ESRRG: variants seen among roughly 807,000 people sequenced by gnomAD.
The protein encoded by ESRRG is estrogen related receptor gamma.
Under a neutral mutation model 44.0 loss-of-function variants are expected in ESRRG, and 13 were observed. The ratio of observed to expected loss-of-function variants is 0.30; its 90% confidence interval spans 0.19 to 0.47. The LOEUF is 0.47. Ranked by LOEUF, ESRRG falls within the 20% of genes least tolerant of loss-of-function variation. ESRRG has a pLI of 1.00. For missense variants in ESRRG, 395 were observed against 580.6 expected, an observed-to-expected ratio of 0.68 and a Z score of 3.29; for synonymous variants, 215 against 214.6, an observed-to-expected ratio of 1.00 and a Z score of -0.02.
rs2040634084 is a variant in ESRRG at position 216,503,267 on chromosome 1, G to A, written c.*3672C>T. ...AAAGAGCAGTCAAAAGTGGAAGCTT[G>A]TTTAATATTGCTCTACCATCATCCT... On this transcript the variant is annotated 3_prime_UTR_variant, in exon 7 of 7. Transcript: ENST00000408911. The A allele has an allele frequency of 6.6e-6, 1 of 152,256 alleles. No homozygotes were observed. 9.4% of individuals were successfully genotyped at this position (152,256 alleles called of 1,614,324 possible).
Position 216,523,813 on chromosome 1 carries a change from TCA to T in ESRRG, c.863-4394_863-4393del, listed in dbSNP as rs2046829450. ...TTAATCATGGCATTGACTTGCCTGA[TCA>T]CAGTTTTTGAACTGTAGTTTTTCTG... On this transcript the variant is annotated intron_variant, in intron 5 of 6. Transcript: ENST00000408911. 1.3e-5 allele frequency among the ~76,000 whole-genome samples: 2 copies of T among 150,562 alleles called. 1 individual carries two copies. The highest frequency in any genetic ancestry group is 4.2e-4 in the South Asian group (2 of 4,772).
At chr1:216,796,963 C>G (rs151329483) in intron 2 of ESRRG, among the ~76,000 whole-genome samples, 6 of 152,244 alleles carry the variant, frequency 3.9e-5, no homozygotes, top group African/African-American at 1.4e-4. Context: ...GCGATCTCGG[C>G]TCACTACAAT....
intron 1 of ESRRG, among the ~76,000 whole-genome samples, chr1:217,050,594 A>G (rs548808057): frequency 2.6e-5 from 4 of 152,290 alleles, no homozygotes; most frequent in East Asian, 1.9e-4. Flanking sequence ...CCAATAGCCA[A>G]TACTCTCAGA....
chr1:216,523,498 TTTTG>T (rs200740167), intron 5 of ESRRG, among the ~76,000 whole-genome samples: 6 of 75,824 alleles, frequency 7.9e-5, no homozygotes, highest in South Asian at 1.5e-3. Context: ...CTGTTTTTTT[TTTTG>T]TTTTTTTTTT....
At chr1:216,619,936 C>T (rs1303786489) in intron 3 of ESRRG, among the ~76,000 whole-genome samples, 5 of 152,028 alleles carry the variant, frequency 3.3e-5, no homozygotes, top group Admixed American at 6.6e-5. Flanking sequence ...TAGGCAACAC[C>T]GAGTCAAGAA....
intron 3 of ESRRG, among the ~76,000 whole-genome samples, chr1:216,628,145 G>C (rs535285692): frequency 3.9e-4 from 59 of 152,254 alleles, no homozygotes; most frequent in Non-Finnish European, 7.1e-4. Flanking sequence ...TTAGAGTCTA[G>C]AGCCACAAAT....
At chr1:216,780,900 T>G (rs2093909681) in intron 2 of ESRRG, among the ~76,000 whole-genome samples, 1 of 152,018 alleles carries the variant, frequency 6.6e-6, no homozygotes, top group Non-Finnish European at 1.5e-5. Context: ...CACAACTAAG[T>G]ATTGTGACTC....
intron 5 of ESRRG, among the ~76,000 whole-genome samples, chr1:216,552,988 T>C (rs1244702458): frequency 6.6e-6 from 1 of 152,186 alleles, no homozygotes; most frequent in African/African-American, 2.4e-5. Flanking sequence ...TTAAGAAACA[T>C]TGTGTTGAAC....
chr1:216,737,156 C>A (rs188438916), intron 2 of ESRRG, among the ~76,000 whole-genome samples: 1 of 152,164 alleles, frequency 6.6e-6, no homozygotes, highest in East Asian at 1.9e-4. Context: ...AAATTCAGTT[C>A]TTTCTCTGGC....
intron 3 of ESRRG, among the ~76,000 whole-genome samples, chr1:216,649,401 C>T (rs2068398666): frequency 6.6e-6 from 1 of 151,836 alleles, no homozygotes; most frequent in Non-Finnish European, 1.5e-5. Flanking sequence ...TTTAGGTATC[C>T]TTCCTTCCTT....
intron 2 of ESRRG, among the ~76,000 whole-genome samples, chr1:216,753,722 A>G (rs972479595): frequency 4.6e-5 from 7 of 152,114 alleles, no homozygotes; most frequent in African/African-American, 1.4e-4. Flanking sequence ...AACTTAAAGC[A>G]TACCTAATTT....
At chr1:216,875,724 T>C (rs936475896) in intron 2 of ESRRG, among the ~76,000 whole-genome samples, 4 of 152,206 alleles carry the variant, frequency 2.6e-5, no homozygotes, top group African/African-American at 9.6e-5. Flanking sequence ...AATAATATTA[T>C]GAAGATATTT....
At chr1:217,030,949 T>A (rs1431367860) in intron 1 of ESRRG, among the ~76,000 whole-genome samples, 1 of 152,238 alleles carries the variant, frequency 6.6e-6, no homozygotes, top group African/African-American at 2.4e-5. Context: ...TAAAGTTACC[T>A]GTTTATTTTT....
At chr1:216,756,549 T>A (rs1307253168) in intron 2 of ESRRG, among the ~76,000 whole-genome samples, 3 of 152,024 alleles carry the variant, frequency 2.0e-5, no homozygotes, top group Non-Finnish European at 4.4e-5. Context: ...GTTCTCACAA[T>A]GGGTCTCAAT....
intron 2 of ESRRG, among the ~76,000 whole-genome samples, chr1:216,829,502 C>T (rs180726203): frequency 1.9e-4 from 29 of 151,334 alleles, no homozygotes; most frequent in African/African-American, 6.5e-4. Context: ...ATAGTAAGGG[C>T]AAAAGCTAGG....
At position 216,981,700 on chromosome 1, in the gene ESRRG, A is replaced by AAC. The variant is rs10535630; in HGVS notation, c.-105-42029_-105-42028dup. On this transcript the variant is annotated intron_variant, in intron 1 of 7. Coordinates refer to the ESRRG transcript ENST00000359162. ...CAATTGTGTTGAACCTAAAGAGTTAAACACACACACACACACACATGCACA... is the reference window on the plus strand; with the variant it reads ...CAATTGTGTTGAACCTAAAGAGTTAAACACACACACACACACACACATGCACA... 7.5e-3 allele frequency among the ~76,000 whole-genome samples: 1,130 copies of AAC among 151,280 alleles called. 8 individuals are homozygous for AAC. Among genetic ancestry groups the AAC allele is most frequent in the African/African-American group, 0.022 (907 of 41,234 alleles).
chr1:216,538,506 C>A (rs764598016), intron 5 of ESRRG, among the ~76,000 whole-genome samples: 2 of 152,044 alleles, frequency 1.3e-5, no homozygotes, highest in Non-Finnish European at 2.9e-5. Context: ...CGTGGTGAAA[C>A]CTTTCCACTG....
chr1:216,791,265 C>T (rs1432727568), intron 2 of ESRRG, among the ~76,000 whole-genome samples: 1 of 151,964 alleles, frequency 6.6e-6, no homozygotes, highest in African/African-American at 2.4e-5. Flanking sequence ...AAGATCTGAT[C>T]ATTTAAAAGT....
At chr1:216,759,428 C>G (rs966344901) in intron 2 of ESRRG, among the ~76,000 whole-genome samples, 1 of 152,224 alleles carries the variant, frequency 6.6e-6, no homozygotes, top group South Asian at 2.1e-4. Flanking sequence ...CTAAGGGTCT[C>G]CTCCACCCAC....
Sources: allele counts gnomAD v4.1 joint callset (sites outside exome capture counted in the v4.1 genomes callset), GRCh38; gene constraint gnomAD v4.1.1; transcripts MANE v1.5; gene names NCBI Gene and HGNC (gene_info 2026-07-23, HGNC 2026-07-21).